The following SPAG16 variants were observed in gnomAD, a reference collection of about 807,000 sequenced individuals.
SPAG16 encodes sperm-associated antigen 16 protein.
Under a neutral mutation model 80.4 loss-of-function variants are expected in SPAG16, and 86 were observed. The ratio of observed to expected loss-of-function variants is 1.07; its 90% confidence interval spans 0.90 to 1.28. SPAG16 has a LOEUF of 1.28. Ranked by LOEUF, SPAG16 falls within the 50% of genes most tolerant of loss-of-function variation. SPAG16 has a pLI of 0.00. For missense variants in SPAG16, 870 were observed against 765.3 expected, an observed-to-expected ratio of 1.14 and a Z score of -1.61; for synonymous variants, 294 against 265.9, an observed-to-expected ratio of 1.11 and a Z score of -1.03.
At chr2:214,283,450 A>G (rs770380036) in intron 15 of SPAG16, among the ~76,000 whole-genome samples, 1 of 152,144 alleles carries the variant, frequency 6.6e-6, no homozygotes, top group Non-Finnish European at 1.5e-5. Context: ...ATTTCTAAAT[A>G]CATTACATAT....
intron 10 of SPAG16, among the ~76,000 whole-genome samples, chr2:213,701,796 A>T (rs900443956): frequency 1.2e-4 from 18 of 151,616 alleles, no homozygotes; most frequent in Non-Finnish European, 1.5e-5. Flanking sequence ...ACCAATCAGC[A>T]CTCTGTGTCT....
Position 214,149,294 on chromosome 2 carries a change from G to A in SPAG16, c.1720+28G>A, listed in dbSNP as rs753973712. On this transcript the variant is annotated intron_variant, in intron 15 of 15. Transcript: ENST00000331683. ...AGGATCATTTTTGTCTAATGTTTCT[G>A]ACTAAGCCAATAACATTAATATTTG... 17 of 1,500,502 alleles carry A rather than the reference G, an allele frequency of 1.1e-5. No individual in the cohort carries two copies. In the East Asian group the frequency reaches 4.0e-4, roughly 35 times the overall value. The allele number at this position is 1,500,502 out of a possible 1,614,324, so 92.9% of individuals were successfully genotyped here.
intron 15 of SPAG16, among the ~76,000 whole-genome samples, chr2:214,254,606 G>T (rs7599746): frequency 0.92 from 140,442 of 152,014 alleles, 65,445 homozygotes; most frequent in South Asian, 0.99. Context: ...ATTGCAAGTT[G>T]ATGTGAGTTC....
Position 214,410,086 on chromosome 2 carries a change from C to T in SPAG16, c.1721-54C>T, listed in dbSNP as rs1286485017. ...CTTCATTGCTTATAAACTGTGAACACTTGAAATAAAACTTTGATTCATTCT... is the reference window on the plus strand; with the variant it reads ...CTTCATTGCTTATAAACTGTGAACATTTGAAATAAAACTTTGATTCATTCT... On this transcript the variant is annotated intron_variant, in intron 15 of 15. Coordinates refer to ENST00000331683, the MANE Select transcript of SPAG16 (RefSeq NM_024532.5). The T allele has an allele frequency of 6.3e-6, 10 of 1,592,960 alleles. No homozygotes were observed. In the African/African-American group the frequency reaches 6.7e-5, roughly 11 times the overall value.
chr2:214,398,930 T>C (rs936877736), intron 15 of SPAG16, among the ~76,000 whole-genome samples: 9 of 152,222 alleles, frequency 5.9e-5, no homozygotes, highest in African/African-American at 2.2e-4. Context: ...AAAATAATAA[T>C]GTTGCCTTTG....
At chr2:213,643,053 ATG>A (rs1329880021) in intron 10 of SPAG16, among the ~76,000 whole-genome samples, 16 of 102,112 alleles carry the variant, frequency 1.6e-4, no homozygotes, top group African/African-American at 2.4e-4. Flanking sequence ...GTGTGTGTGT[ATG>A]TGTGTGTGTG....
chr2:213,621,262 C>T (rs1453261390), intron 10 of SPAG16, among the ~76,000 whole-genome samples: 1 of 152,050 alleles, frequency 6.6e-6, no homozygotes, highest in Admixed American at 6.6e-5. Flanking sequence ...TGTGGTTGAT[C>T]ATGGTTTTCC....
chr2:213,648,312 C>CA (rs59507502), intron 10 of SPAG16, among the ~76,000 whole-genome samples: 6,977 of 150,392 alleles, frequency 0.046, 293 homozygotes, highest in African/African-American at 0.11. Context: ...TATGTCTATT[C>CA]AAAAAAAAAT....
chr2:213,545,151 T>G (rs2076572806), intron 10 of SPAG16, among the ~76,000 whole-genome samples: 1 of 152,140 alleles, frequency 6.6e-6, no homozygotes, highest in African/African-American at 2.4e-5. Flanking sequence ...TTTTGTGGTT[T>G]ATGGTCATTC....
intron 15 of SPAG16, among the ~76,000 whole-genome samples, chr2:214,347,633 G>T (rs1050702119): frequency 2.0e-5 from 3 of 152,152 alleles, no homozygotes; most frequent in Admixed American, 1.3e-4. Flanking sequence ...GCTTCTAAAG[G>T]TATTATCCTG....
chr2:214,138,017 C>T (rs2055152820), intron 14 of SPAG16, among the ~76,000 whole-genome samples: 2 of 152,046 alleles, frequency 1.3e-5, no homozygotes, highest in Non-Finnish European at 2.9e-5. Flanking sequence ...GGAAAGATCA[C>T]TCCCACTGCC....
At chr2:213,490,840 T>C (rs1007630472) in intron 10 of SPAG16, among the ~76,000 whole-genome samples, 4 of 152,196 alleles carry the variant, frequency 2.6e-5, no homozygotes, top group Admixed American at 6.5e-5. Flanking sequence ...CTAAGACTTA[T>C]ACAAAAATAT....
chr2:213,464,441 G>A (rs1043189647), intron 9 of SPAG16, among the ~76,000 whole-genome samples: 2 of 152,202 alleles, frequency 1.3e-5, no homozygotes, highest in East Asian at 3.9e-4. Context: ...AACCTTGAAT[G>A]AGAGGCTGTT....
At chr2:214,209,211 T>C (rs2032780) in intron 15 of SPAG16, among the ~76,000 whole-genome samples, 45,664 of 151,900 alleles carry the variant, frequency 0.3, 8,556 homozygotes, top group Non-Finnish European at 0.42. Flanking sequence ...GGTAGTGTAG[T>C]TATTATATCT....
chr2:214,405,113 C>G (rs2126153084), intron 15 of SPAG16, among the ~76,000 whole-genome samples: 1 of 152,034 alleles, frequency 6.6e-6, no homozygotes, highest in South Asian at 2.1e-4. Context: ...TTATCTGAGT[C>G]TTTTTTGCTT....
chr2:213,742,510 TAC>T (rs2067600570), intron 10 of SPAG16, among the ~76,000 whole-genome samples: 1 of 151,884 alleles, frequency 6.6e-6, no homozygotes, highest in African/African-American at 2.4e-5. Flanking sequence ...CCTCTACAGG[TAC>T]ACTCTTGATC....
At chr2:213,321,926 G>A (rs1474510237) in intron 5 of SPAG16, among the ~76,000 whole-genome samples, 3 of 151,990 alleles carry the variant, frequency 2.0e-5, no homozygotes, top group Non-Finnish European at 4.4e-5. Context: ...TAGACCAATT[G>A]TTATTTTAAA....
chr2:213,909,241 T>TGGAAGAACATTCCATGCTCATGGGTA (rs2077557097), intron 11 of SPAG16, among the ~76,000 whole-genome samples: 1 of 152,048 alleles, frequency 6.6e-6, no homozygotes, highest in Non-Finnish European at 1.5e-5. Flanking sequence ...TACAAAGAAA[T>TGGAAGAACATTCCATGCTCATGGGTA]GGAAGAACAT....
chr2:213,964,953 CTT>C (rs1316593997), intron 12 of SPAG16, among the ~76,000 whole-genome samples: 5 of 152,320 alleles, frequency 3.3e-5, no homozygotes, highest in African/African-American at 1.2e-4. Context: ...CCTTTGCAGT[CTT>C]TGGCTGATAA....
Sources: gnomAD v4.1 joint callset for allele counts (sites outside exome capture counted in the v4.1 genomes callset) on GRCh38, gnomAD v4.1.1 for gene constraint, MANE v1.5 for transcripts, NCBI Gene and HGNC (gene_info 2026-07-23, HGNC 2026-07-21) for gene names.